VTI1A: variants seen among roughly 807,000 people sequenced by gnomAD.
VTI1A encodes vesicle transport through interaction with t-SNAREs 1A.
A neutral mutation model predicts 34.9 loss-of-function variants in VTI1A; 22 were observed. The ratio of observed to expected loss-of-function variants is 0.63; its 90% CI spans 0.45 to 0.90. The LOEUF (loss-of-function observed/expected upper bound fraction) is 0.90, where lower values mean the gene tolerates loss of function less well. Ranked by LOEUF, VTI1A falls within the 40% of genes least tolerant of loss-of-function variation. The probability of loss-of-function intolerance (pLI) is 0.00; values close to 1 mark genes in which losing one functional copy is unlikely to be tolerated. For missense variants in VTI1A, 268 were observed against 275.6 expected, an observed-to-expected ratio of 0.97 and a Z score of 0.20; for synonymous variants, 87 against 97.3, an observed-to-expected ratio of 0.89 and a Z score of 0.62.
At chr10:112,559,500 T>C (rs1249125787) in intron 5 of VTI1A, among the ~76,000 whole-genome samples, 8 of 151,996 alleles carry the variant, frequency 5.3e-5, no homozygotes, top group Admixed American at 4.6e-4. Context: ...CTTTTGTTCT[T>C]TACATCTGAA....
At chr10:112,451,570 A>G (rs1835902883) in intron 1 of VTI1A, among the ~76,000 whole-genome samples, 1 of 152,242 alleles carries the variant, frequency 6.6e-6, no homozygotes, top group Non-Finnish European at 1.5e-5. Flanking sequence ...CTTTGAACTC[A>G]GGATCCCAAG....
chr10:112,598,199 A>T, intron 5 of VTI1A, among the ~76,000 whole-genome samples: 1 of 152,238 alleles, frequency 6.6e-6, no homozygotes, highest in East Asian at 1.9e-4. Context: ...GTTTTCTTGC[A>T]GTAAACTCTT....
At chr10:112,607,424 C>G (rs1845126599) in intron 5 of VTI1A, among the ~76,000 whole-genome samples, 1 of 152,144 alleles carries the variant, frequency 6.6e-6, no homozygotes, top group Admixed American at 6.5e-5. Context: ...TAATTGTTCA[C>G]TGCACTGTAC....
chr10:112,448,916 T>C (rs146981511), intron 1 of VTI1A: 3 of 152,350 alleles, frequency 2.0e-5, no homozygotes, highest in South Asian at 2.1e-4. Context: ...TCTGAACTTA[T>C]ACCCCACTCA....
chr10:112,765,391 G>T (rs1435227142), intron 7 of VTI1A, among the ~76,000 whole-genome samples: 1 of 152,014 alleles, frequency 6.6e-6, no homozygotes, highest in Admixed American at 6.6e-5. Flanking sequence ...TGTATTTTTG[G>T]TAGAGGCAGG....
At chr10:112,548,538 G>A (rs1011833841) in intron 5 of VTI1A, 2 of 652,964 alleles carry the variant, frequency 3.1e-6, no homozygotes, top group Non-Finnish European at 5.3e-6. Context: ...ATGGCCAATT[G>A]AAACAAACAG....
intron 7 of VTI1A, among the ~76,000 whole-genome samples, chr10:112,794,429 G>A (rs1320898168): frequency 3.9e-5 from 6 of 152,046 alleles, no homozygotes; most frequent in East Asian, 1.9e-4. Flanking sequence ...ATGCATGCCT[G>A]TGGTCCCAGC....
At chr10:112,548,717 ACTGT>A (rs1851230552) in intron 5 of VTI1A, 2 of 1,342,704 alleles carry the variant, frequency 1.5e-6, no homozygotes, top group Non-Finnish European at 1.0e-6. Flanking sequence ...ACCCACAGCA[ACTGT>A]CTATCTCATA....
intron 5 of VTI1A, among the ~76,000 whole-genome samples, chr10:112,657,754 A>G (rs1847283614): frequency 6.6e-6 from 1 of 152,154 alleles, no homozygotes; most frequent in South Asian, 2.1e-4. Context: ...AAGAAAACAG[A>G]TTAGACTTTA....
At chr10:112,497,785 C>T (rs1242146092) in intron 3 of VTI1A, among the ~76,000 whole-genome samples, 3 of 152,024 alleles carry the variant, frequency 2.0e-5, no homozygotes, top group Admixed American at 6.6e-5. Context: ...CTTACTTTAC[C>T]GTTATTGTAT....
intron 2 of VTI1A, among the ~76,000 whole-genome samples, chr10:112,463,308 C>T (rs556953028): frequency 6.6e-6 from 1 of 152,226 alleles, no homozygotes; most frequent in Admixed American, 6.5e-5. Flanking sequence ...TCATCACTTG[C>T]AATCATCGTT....
intron 5 of VTI1A, among the ~76,000 whole-genome samples, chr10:112,594,340 G>C (rs1331405565): frequency 6.6e-6 from 1 of 152,066 alleles, no homozygotes; most frequent in African/African-American, 2.4e-5. Flanking sequence ...GGAAATAAAG[G>C]GTATTCAATT....
intron 7 of VTI1A, among the ~76,000 whole-genome samples, chr10:112,676,029 TTTG>T (rs1447940289): frequency 6.6e-6 from 1 of 152,160 alleles, no homozygotes; most frequent in African/African-American, 2.4e-5. Context: ...CATTGAGGTA[TTTG>T]TTATTATCAT....
chr10:112,787,732 C>T (rs1314755359), intron 7 of VTI1A, among the ~76,000 whole-genome samples: 4 of 126,406 alleles, frequency 3.2e-5, no homozygotes, highest in Admixed American at 9.5e-5. Context: ...GACAGAGTCT[C>T]GCACTGATGC....
At chr10:112,593,558 T>A (rs1844480656) in intron 5 of VTI1A, among the ~76,000 whole-genome samples, 3 of 152,150 alleles carry the variant, frequency 2.0e-5, no homozygotes, top group Admixed American at 1.3e-4. Flanking sequence ...GGGTTCTTTT[T>A]CATATGGAAA....
intron 7 of VTI1A, among the ~76,000 whole-genome samples, chr10:112,790,316 C>T (rs1266694106): frequency 6.6e-6 from 1 of 152,202 alleles, no homozygotes; most frequent in Non-Finnish European, 1.5e-5. Context: ...CCCAAGCTTG[C>T]CTTGGCTTTG....
chr10:112,462,860 A>G (rs1847770914), intron 2 of VTI1A, among the ~76,000 whole-genome samples: 1 of 152,202 alleles, frequency 6.6e-6, no homozygotes, highest in African/African-American at 2.4e-5. Flanking sequence ...TGATTTTAGC[A>G]GACATGGCCT....
chr10:112,606,777 C>T (rs997861664), intron 5 of VTI1A, among the ~76,000 whole-genome samples: 2 of 152,164 alleles, frequency 1.3e-5, no homozygotes, highest in Admixed American at 1.3e-4. Context: ...ACTCACTTTT[C>T]TGTTTCCTTG....
intron 7 of VTI1A, among the ~76,000 whole-genome samples, chr10:112,727,312 A>G (rs531917207): frequency 6.6e-6 from 1 of 152,330 alleles, no homozygotes; most frequent in South Asian, 2.1e-4. Flanking sequence ...TACAAAGTAT[A>G]CCTAGAACAA....
Sources: gnomAD v4.1 joint callset for allele counts (sites outside exome capture counted in the v4.1 genomes callset) on GRCh38, gnomAD v4.1.1 for gene constraint, MANE v1.5 for transcripts, NCBI Gene and HGNC (gene_info 2026-07-23, HGNC 2026-07-21) for gene names.